The following KCNK13 variants were observed in gnomAD, a reference collection of about 807,000 sequenced individuals.
The protein encoded by KCNK13 is potassium channel subfamily K member 13.
Under a neutral mutation model 23.4 loss-of-function variants are expected in KCNK13, and 12 were observed. The ratio of observed to expected loss-of-function variants is 0.51; its 90% confidence interval spans 0.33 to 0.83. The LOEUF is 0.83. KCNK13 is among the 40% of genes least tolerant of loss of function. The pLI, the probability that KCNK13 is intolerant of heterozygous loss-of-function variation, is 0.02. For missense variants in KCNK13, 463 were observed against 556.3 expected, an observed-to-expected ratio of 0.83 and a Z score of 1.69; for synonymous variants, 231 against 229.5, an observed-to-expected ratio of 1.01 and a Z score of -0.06.
rs1414159508 is a variant in KCNK13, at chr14:90,087,150, A to ATT, written c.334+24612_334+24613insTT. On this transcript the variant is annotated intron_variant, in intron 1 of 1. Coordinates refer to ENST00000282146, the MANE Select transcript of KCNK13 (RefSeq NM_022054.4). ...TATACATATATATATATATATATATATATATTTTTTTTTTTTATTGAGATG... is the reference window on the plus strand; with the variant it reads ...TATACATATATATATATATATATATATTTATATTTTTTTTTTTTATTGAGATG... 1.7e-3 allele frequency among the ~76,000 whole-genome samples: 123 copies of ATT among 72,058 alleles called. 1 individual carries two copies. Among genetic ancestry groups the ATT allele is most frequent in the Admixed American group, 1.5e-3 (12 of 8,002 alleles). The allele number at this position is 72,058 out of a possible 152,430, so 47.3% of individuals were successfully genotyped here.
At chr14:90,123,674 C>T (rs1889764630) in intron 1 of KCNK13, among the ~76,000 whole-genome samples, 2 of 152,134 alleles carry the variant, frequency 1.3e-5, no homozygotes, top group South Asian at 4.2e-4. Context: ...TTCTGTTGCT[C>T]AGACTGGAGT....
intron 1 of KCNK13, among the ~76,000 whole-genome samples, chr14:90,074,258 G>A (rs536079849): frequency 2.6e-5 from 4 of 152,156 alleles, no homozygotes; most frequent in Non-Finnish European, 4.4e-5. Context: ...ATTGAGCCAC[G>A]CCTGGCCTCA....
intron 1 of KCNK13, among the ~76,000 whole-genome samples, chr14:90,173,595 G>T (rs575417545): frequency 2.0e-5 from 3 of 152,140 alleles, no homozygotes; most frequent in Non-Finnish European, 4.4e-5. Context: ...GGTTTGAAAT[G>T]GGGAGAAAGG....
chr14:90,078,241 G>A (rs1169579404), intron 1 of KCNK13, among the ~76,000 whole-genome samples: 4 of 152,016 alleles, frequency 2.6e-5, no homozygotes, highest in East Asian at 1.9e-4. Context: ...CCAACATGGC[G>A]AAACCCGGTC....
intron 1 of KCNK13, among the ~76,000 whole-genome samples, chr14:90,149,563 G>T (rs1272142501): frequency 6.6e-6 from 1 of 152,142 alleles, no homozygotes; most frequent in Non-Finnish European, 1.5e-5. Context: ...GGAGAAGTAT[G>T]CCCCCGTGAT....
intron 1 of KCNK13, among the ~76,000 whole-genome samples, chr14:90,122,788 G>C (rs1451765495): frequency 6.6e-6 from 1 of 152,170 alleles, no homozygotes; most frequent in Non-Finnish European, 1.5e-5. Flanking sequence ...TGAGCTGATA[G>C]AAGAAAAGGT....
chr14:90,123,825 C>T (rs190957466), intron 1 of KCNK13, among the ~76,000 whole-genome samples: 2 of 152,188 alleles, frequency 1.3e-5, no homozygotes, highest in African/African-American at 2.4e-5. Context: ...TGTAGAGATG[C>T]GGTCTCACTG....
In KCNK13 at chr14:90,165,776, CA is replaced by C. The variant is rs1313381479; in HGVS notation, c.335-18334del. Among the ~76,000 whole-genome samples the C allele has an allele frequency of 3.9e-5, 6 of 152,188 alleles. No individual in the cohort carries two copies. In the East Asian group the frequency reaches 1.2e-3, roughly 29 times the overall value. On this transcript the variant is annotated intron_variant, in intron 1 of 1. Coordinates refer to ENST00000282146, the MANE Select transcript of KCNK13 (RefSeq NM_022054.4). ...ATGAGGGTAAAATCAGAAATAATGA[CA>C]GCATTTATTGCTTCTAGCATTCATT... is the stretch of plus-strand genomic sequence containing the variant.
intron 1 of KCNK13, among the ~76,000 whole-genome samples, chr14:90,118,766 T>C (rs1323496002): frequency 2.0e-5 from 3 of 152,152 alleles, no homozygotes; most frequent in East Asian, 3.9e-4. Context: ...ACTTGTTATT[T>C]TCATTTTTAA....
chr14:90,130,179 CATTTATTTATTT>C (rs60505302), intron 1 of KCNK13, among the ~76,000 whole-genome samples: 4 of 142,148 alleles, frequency 2.8e-5, no homozygotes, highest in African/African-American at 1.0e-4. Flanking sequence ...TGGAGAAGGA[CATTTATTTATTT>C]ATTTATTTAT....
intron 1 of KCNK13, among the ~76,000 whole-genome samples, chr14:90,066,619 A>G (rs1332898306): frequency 6.6e-6 from 1 of 152,198 alleles, no homozygotes; most frequent in Non-Finnish European, 1.5e-5. Context: ...TGTAGGAGAC[A>G]TTGTGTAGGA....
intron 1 of KCNK13, among the ~76,000 whole-genome samples, chr14:90,112,443 G>T (rs1419609087): frequency 2.6e-5 from 4 of 152,178 alleles, no homozygotes; most frequent in Admixed American, 2.6e-4. Context: ...GAGCCATTCA[G>T]TTCTTCCGTG....
At position 90,184,793 on chromosome 14, in the gene KCNK13, G is replaced by A. The variant is rs767661382; in HGVS notation, c.1017G>A (p.Gly339=). 1.2e-6 allele frequency: 2 copies of A among 1,612,650 alleles called. No homozygotes were observed. Among genetic ancestry groups the A allele is most frequent in the Middle Eastern group, 1.7e-4 (1 of 6,060 alleles). ...GGGTGGCAGAGAGTGACACGGACGGGCGCCGGCTCTCAGGGGAGATGATCT... is the reference window on the plus strand; with the variant it reads ...GGGTGGCAGAGAGTGACACGGACGGACGCCGGCTCTCAGGGGAGATGATCT... The part of the protein sequence containing the change: ...TDGVAESDTD[G]RRLSGEMISM... Residue 339 remains glycine, a synonymous_variant, in exon 2 of 2, where the codon GGG becomes GGA. Transcript: ENST00000282146. This position sits in a 1 kb window ranked among gnomAD's most constrained non-coding sequence, Gnocchi z 5.6.
chr14:90,163,161 C>G (rs954755274), intron 1 of KCNK13, among the ~76,000 whole-genome samples: 3 of 152,114 alleles, frequency 2.0e-5, no homozygotes, highest in South Asian at 2.1e-4. Context: ...AGATGCTTTA[C>G]TAATGTTTGT....
intron 1 of KCNK13, among the ~76,000 whole-genome samples, chr14:90,068,415 C>T (rs542721446): frequency 1.3e-5 from 2 of 151,948 alleles, no homozygotes; most frequent in East Asian, 3.9e-4. Flanking sequence ...GCCAACATGG[C>T]GAAACCCCAT....
At chr14:90,169,811 G>C (rs1890344117) in intron 1 of KCNK13, among the ~76,000 whole-genome samples, 1 of 152,080 alleles carries the variant, frequency 6.6e-6, no homozygotes, top group Admixed American at 6.5e-5. Context: ...ACTCCCAAAA[G>C]TTAGGTTTTT....
At chr14:90,123,096 G>A (rs930835799) in intron 1 of KCNK13, among the ~76,000 whole-genome samples, 4 of 152,176 alleles carry the variant, frequency 2.6e-5, no homozygotes, top group Middle Eastern at 3.2e-3. Flanking sequence ...AGCCTGATAA[G>A]CATCAGGGAA....
At chr14:90,117,049 G>T (rs991752254) in intron 1 of KCNK13, among the ~76,000 whole-genome samples, 31 of 152,058 alleles carry the variant, frequency 2.0e-4, no homozygotes, top group African/African-American at 7.2e-4. Context: ...CAATAACTAA[G>T]AATAAAATAT....
chr14:90,126,442 T>TGTGACGTGACGTGAC (rs1292461928), intron 1 of KCNK13, among the ~76,000 whole-genome samples: 2 of 90,060 alleles, frequency 2.2e-5, no homozygotes, highest in African/African-American at 3.7e-5. Context: ...TGTGACGTGA[T>TGTGACGTGACGTGAC]GTGACGTGAC....
Sources: allele counts gnomAD v4.1 joint callset (sites outside exome capture counted in the v4.1 genomes callset), GRCh38; gene constraint gnomAD v4.1.1; non-coding constraint Gnocchi (gnomAD v3.1); transcripts MANE v1.5; gene names NCBI Gene and HGNC (gene_info 2026-07-23, HGNC 2026-07-21).